The following KIF11 variants were observed in gnomAD, a reference collection of about 807,000 sequenced individuals.
KIF11 encodes the protein kinesin-like protein KIF11.
In KIF11, 9 loss-of-function variants were observed where a neutral mutation model predicts 121.0. The ratio of observed to expected loss-of-function variants is 0.07; its 90% CI spans 0.04 to 0.13. The LOEUF (loss-of-function observed/expected upper bound fraction) is 0.13, where lower values mean the gene tolerates loss of function less well. Ranked by LOEUF, KIF11 falls within the 10% of genes least tolerant of loss-of-function variation. The pLI, the probability that KIF11 is intolerant of heterozygous loss-of-function variation, is 1.00. For synonymous variants in KIF11, 408 were observed against 421.0 expected (o/e 0.97, Z 0.38); for missense variants, 846 against 1,217.5 (o/e 0.69, Z 4.54).
At chr10:92,611,939 A>C (rs1666622611) in intron 6 of KIF11, among the ~76,000 whole-genome samples, 1 of 152,166 alleles carries the variant, frequency 6.6e-6, no homozygotes, top group Non-Finnish European at 1.5e-5. Context: ...AAGTAACATG[A>C]AAGTACAAAG....
chr10:92,621,610 GTT>G, intron 10 of KIF11, 137 bp downstream of exon 10: 1 of 568,404 alleles, frequency 1.8e-6, no homozygotes, highest in East Asian at 3.1e-5. Flanking sequence ...GTGTGTGTGT[GTT>G]TTCTTTTGAG....
In KIF11 at chr10:92,648,425, A is replaced by T. The variant is rs774418068; in HGVS notation, c.2761A>T (p.Ile921Phe). Residue 921 changes from isoleucine (I) to phenylalanine (F), a missense_variant, in exon 19 of 22, where the codon ATC (isoleucine) becomes TTC (phenylalanine). By Grantham distance (21) the Ile-to-Phe change is conservative. Transcript: ENST00000260731. ...TCTGGAACAGGATCTGAAACTGGATATCCCAACAGGTACTTTAAAAGAGAA... is the reference window on the plus strand; with the variant it reads ...TCTGGAACAGGATCTGAAACTGGATTTCCCAACAGGTACTTTAAAAGAGAA... ...CFLEQDLKLD[I>F]PTGTTPQRKS... 29 of 1,586,860 alleles carry T rather than the reference A, an allele frequency of 1.8e-5. No homozygotes were observed. The highest frequency in any genetic ancestry group is 2.5e-5 in the Non-Finnish European group (29 of 1,162,256).
At chr10:92,615,601 G>A (rs1014238198) in intron 8 of KIF11, among the ~76,000 whole-genome samples, 3 of 151,992 alleles carry the variant, frequency 2.0e-5, no homozygotes, top group Non-Finnish European at 4.4e-5. Flanking sequence ...CAGAAAGAAA[G>A]CCTGTACCCA....
intron 20 of KIF11, 49 bp downstream of exon 20, chr10:92,650,035 T>C: frequency 2.1e-6 from 3 of 1,417,552 alleles, no homozygotes; most frequent in Non-Finnish European, 2.9e-6. Context: ...TATGAACTCT[T>C]GATGTGGCTG....
intron 8 of KIF11, among the ~76,000 whole-genome samples, chr10:92,614,837 A>G (rs927087079): frequency 6.6e-6 from 1 of 152,208 alleles, no homozygotes; most frequent in Non-Finnish European, 1.5e-5. Context: ...AGGCCGCAGT[A>G]CAGTAGCATG....
rs761685953 is a variant in KIF11, at chr10:92,645,478, G to A, written c.2383G>A (p.Glu795Lys). The A allele has an allele frequency of 4.3e-6, 7 of 1,613,954 alleles. No homozygotes were observed. The African/African-American group carries it at 9.3e-5, about 22-fold the overall frequency. ...NFNQEGTKLVEESVKHSDKLN... is the reference protein window; with the variant it reads ...NFNQEGTKLVKESVKHSDKLN... ...TAACCAAGAAGGTACAAAATTGGTT[G>A]AAGAATCTGTGAAACACTCTGATAA... The change falls in exon 18 of 22, where the codon GAA becomes AAA. Residue 795 changes from glutamate to lysine, a missense_variant. Around this residue, in one of 5 missense-constraint regions of KIF11, gnomAD observed 492 missense variants for 603.4 expected, o/e 0.82. Transcript: ENST00000260731.
chr10:92,639,674 CTT>C, intron 16 of KIF11, 118 bp from the exon 17 acceptor site: 1 of 591,516 alleles, frequency 1.7e-6, no homozygotes, highest in Non-Finnish European at 3.0e-6. Context: ...AACTTTATCT[CTT>C]GTCAAGAATT....
intron 19 of KIF11, among the ~76,000 whole-genome samples, chr10:92,649,086 G>A (rs185891547): frequency 2.6e-5 from 4 of 151,456 alleles, no homozygotes; most frequent in Non-Finnish European, 4.4e-5. Flanking sequence ...CATAAAATGA[G>A]TGTTTTATGG....
At chr10:92,621,969 A>C (rs1844621791) in intron 10 of KIF11, among the ~76,000 whole-genome samples, 1 of 152,196 alleles carries the variant, frequency 6.6e-6, no homozygotes, top group African/African-American at 2.4e-5. Context: ...CTCAGTGGTT[A>C]TCTCTTAAAT....
intron 17 of KIF11, 137 bp from the exon 18 acceptor site, chr10:92,645,226 T>A (rs1844905771): frequency 3.3e-6 from 2 of 608,818 alleles, no homozygotes; most frequent in Non-Finnish European, 5.7e-6. Context: ...ATGCAGAAGA[T>A]TTACTAAGAT....
At chr10:92,638,400 G>C (rs181562728) in intron 16 of KIF11, among the ~76,000 whole-genome samples, 1 of 152,260 alleles carries the variant, frequency 6.6e-6, no homozygotes. Flanking sequence ...TGGCTCTTTT[G>C]TGTGTTTTTT....
In KIF11 at chr10:92,651,507, GTTTTTTTTTTTTTTTTTTT is replaced by G. The variant is rs1175303233; in HGVS notation, c.3039+1013_3039+1031del. On this transcript the variant is annotated intron_variant, in intron 21 of 21. Coordinates refer to ENST00000260731, the MANE Select transcript of KIF11 (RefSeq NM_004523.4). Reference sequence around the variant, plus strand: ...TGTGCCACCATGCCTGGCTAATTTTGTTTTTTTTTTTTTTTTTTTTTTTTTTTTTTTTTTTTTTTTTAGT... The same window carrying G: ...TGTGCCACCATGCCTGGCTAATTTTGTTTTTTTTTTTTTTTTTTTTTTAGT... Among the ~76,000 whole-genome samples, 439 of 52,972 alleles carry G rather than the reference GTTTTTTTTTTTTTTTTTTT, an allele frequency of 8.3e-3. 33 individuals are homozygous for G. The highest frequency in any genetic ancestry group is 0.02 in the African/African-American group (390 of 19,300). The allele number at this position is 52,972 out of a possible 152,430, so 34.8% of individuals were successfully genotyped here.
intron 1 of KIF11, among the ~76,000 whole-genome samples, chr10:92,602,807 AACACAC>A (rs112100552): frequency 7.3e-6 from 1 of 137,902 alleles, no homozygotes; most frequent in African/African-American, 2.7e-5. Flanking sequence ...TGGTTACTTA[AACACAC>A]ACACACACAC....
At chr10:92,649,548 A>G (rs911975149) in intron 19 of KIF11, among the ~76,000 whole-genome samples, 2 of 152,218 alleles carry the variant, frequency 1.3e-5, no homozygotes, top group Admixed American at 6.5e-5. Flanking sequence ...TCAGAACACT[A>G]TAACTCCTTT....
intron 1 of KIF11, among the ~76,000 whole-genome samples, chr10:92,599,801 C>T (rs1460691022): frequency 2.7e-5 from 4 of 148,504 alleles, no homozygotes; most frequent in African/African-American, 7.4e-5. Context: ...TACAGGCACA[C>T]GCTACGACGC....
intron 12 of KIF11, among the ~76,000 whole-genome samples, chr10:92,631,653 G>T (rs1222357019): frequency 6.7e-6 from 1 of 149,096 alleles, no homozygotes; most frequent in Non-Finnish European, 1.5e-5. Context: ...GAGCCACCGC[G>T]CCCGGCCTTT....
chr10:92,607,267 T>C (rs1415437819), intron 4 of KIF11, 30 bp downstream of exon 4: 1 of 1,338,992 alleles, frequency 7.5e-7, no homozygotes, highest in East Asian at 2.3e-5. Context: ...TACTTTTATC[T>C]CTAATGTGAC....
intron 6 of KIF11, 55 bp downstream of exon 6, chr10:92,609,564 A>T: frequency 6.5e-7 from 1 of 1,541,880 alleles, no homozygotes. Context: ...AAGAATTAGG[A>T]ACTTGGAGAA....
intron 21 of KIF11, among the ~76,000 whole-genome samples, chr10:92,651,548 T>TTTTTTTTTTTTG (rs1844984273): frequency 1.7e-5 from 2 of 117,108 alleles, no homozygotes; most frequent in Non-Finnish European, 3.5e-5. Flanking sequence ...TTTTTTTTTT[T>TTTTTTTTTTTTG]AGTAGAGGGG....
Sources: gnomAD v4.1 joint callset for allele counts (sites outside exome capture counted in the v4.1 genomes callset) on GRCh38, gnomAD v4.1.1 for gene constraint, gnomAD v4.1.1 regional missense constraint, MANE v1.5 for transcripts, NCBI Gene and HGNC (gene_info 2026-07-23, HGNC 2026-07-21) for gene names.